Variants in C1QTNF3 observed in about 807,000 individuals in gnomAD.
C1QTNF3 encodes complement C1q tumor necrosis factor-related protein 3.
A neutral mutation model predicts 32.6 loss-of-function variants in C1QTNF3; 26 were observed. The observed-to-expected ratio is 0.80, with a 90% CI of 0.58 to 1.11. The LOEUF (loss-of-function observed/expected upper bound fraction) is 1.11, where lower values mean the gene tolerates loss of function less well. C1QTNF3 is among the 50% of genes least tolerant of loss of function. The probability of loss-of-function intolerance (pLI) is 0.00; values close to 1 mark genes in which losing one functional copy is unlikely to be tolerated. For synonymous variants in C1QTNF3, 155 were observed against 146.0 expected (o/e 1.06, Z -0.44); for missense variants, 362 against 398.2 (o/e 0.91, Z 0.77).
chr5:34,119,133 T>C, the C1QTNF3 span, among the ~76,000 whole-genome samples: 6 of 152,344 alleles, frequency 3.9e-5, no homozygotes, highest in East Asian at 1.2e-3. Flanking sequence ...ATCTTCTACA[T>C]TAAATGCCAT....
the C1QTNF3 span, among the ~76,000 whole-genome samples, chr5:34,214,976 A>G: frequency 6.6e-6 from 1 of 152,342 alleles, no homozygotes; most frequent in African/African-American, 2.4e-5. Context: ...AATTGTTATC[A>G]AAGCCATATA....
chr5:34,171,134 A>T, the C1QTNF3 span, among the ~76,000 whole-genome samples: 3 of 152,056 alleles, frequency 2.0e-5, no homozygotes, highest in Non-Finnish European at 2.9e-5. Flanking sequence ...CTGTATCCAA[A>T]AGCTACCTAT....
At chr5:34,123,329 T>C in the C1QTNF3 span, among the ~76,000 whole-genome samples, 2 of 152,204 alleles carry the variant, frequency 1.3e-5, no homozygotes, top group Admixed American at 1.3e-4. Context: ...GGCCTGTGTG[T>C]ATATGAATGC....
chr5:34,145,021 C>A, the C1QTNF3 span, among the ~76,000 whole-genome samples: 1 of 151,902 alleles, frequency 6.6e-6, no homozygotes, highest in South Asian at 2.1e-4. Flanking sequence ...CCAAGCTACT[C>A]GGGAGGCTGA....
chr5:34,020,784 G>T (rs370162015), intron 5 of C1QTNF3, 42 bp from the exon 6 acceptor site: 1 of 1,588,432 alleles, frequency 6.3e-7, no homozygotes, highest in African/African-American at 1.3e-5. Context: ...TTTTTGCCAT[G>T]AACAACCAGC....
At chr5:34,029,968 G>A (rs1488303899) in intron 3 of C1QTNF3, among the ~76,000 whole-genome samples, 1 of 152,072 alleles carries the variant, frequency 6.6e-6, no homozygotes, top group African/African-American at 2.4e-5. Context: ...CTCTTGGCAT[G>A]TTTTATTATT....
the C1QTNF3 span, among the ~76,000 whole-genome samples, chr5:34,229,538 G>A: frequency 6.6e-6 from 1 of 152,254 alleles, no homozygotes; most frequent in Admixed American, 6.5e-5. Flanking sequence ...TTACCTGGCA[G>A]GACAGAGTTT....
the C1QTNF3 span, among the ~76,000 whole-genome samples, chr5:34,120,731 C>T: frequency 2.6e-5 from 4 of 152,330 alleles, no homozygotes; most frequent in South Asian, 8.3e-4. Flanking sequence ...ACATGCCTTT[C>T]ACCTTCCACC....
chr5:34,100,971 G>A, the C1QTNF3 span, among the ~76,000 whole-genome samples: 3 of 151,514 alleles, frequency 2.0e-5, no homozygotes, highest in Non-Finnish European at 4.4e-5. Flanking sequence ...CTGCATATTT[G>A]TTTCCCAAAG....
chr5:34,241,998 A>AAGGAAGGG, the C1QTNF3 span, among the ~76,000 whole-genome samples: 5 of 150,016 alleles, frequency 3.3e-5, no homozygotes, highest in African/African-American at 1.0e-4. Context: ...GGAAGGAAGG[A>AAGGAAGGG]AGGAAGGAAA....
At chr5:34,056,454 G>GTGTGTGTGTATATATATATA in the C1QTNF3 span, among the ~76,000 whole-genome samples, 2 of 48,970 alleles carry the variant, frequency 4.1e-5, no homozygotes, top group East Asian at 9.8e-4. Context: ...GTGTGTGTGT[G>GTGTGTGTGTATATATATATA]TATATATATA....
At chr5:34,115,813 G>C in the C1QTNF3 span, among the ~76,000 whole-genome samples, 16 of 147,076 alleles carry the variant, frequency 1.1e-4, no homozygotes, top group Admixed American at 5.5e-4. Context: ...TAAACCTTTT[G>C]TTAGATATAT....
the C1QTNF3 span, among the ~76,000 whole-genome samples, chr5:34,072,363 AAAAG>A: frequency 0.021 from 2,868 of 135,290 alleles, 36 homozygotes; most frequent in Non-Finnish European, 0.027. Context: ...AGAAAATTAA[AAAAG>A]AAAGAGAAAG....
chr5:34,125,209 A>T, the C1QTNF3 span, among the ~76,000 whole-genome samples: 1 of 152,166 alleles, frequency 6.6e-6, no homozygotes, highest in East Asian at 1.9e-4. Context: ...TTGTATACGT[A>T]ACCTCCACAG....
the C1QTNF3 span, among the ~76,000 whole-genome samples, chr5:34,139,359 A>C: frequency 6.6e-6 from 1 of 152,096 alleles, no homozygotes; most frequent in Non-Finnish European, 1.5e-5. Flanking sequence ...CAACTTCTTT[A>C]AGTACATTAA....
At chr5:34,163,703 T>C in the C1QTNF3 span, among the ~76,000 whole-genome samples, 1 of 152,062 alleles carries the variant, frequency 6.6e-6, no homozygotes, top group African/African-American at 2.4e-5. Flanking sequence ...AGGTCCCTAT[T>C]ATATTTTCAA....
chr5:34,138,867 C>T, the C1QTNF3 span, among the ~76,000 whole-genome samples: 8 of 152,030 alleles, frequency 5.3e-5, no homozygotes, highest in African/African-American at 1.2e-4. Flanking sequence ...TCACAACACA[C>T]GCATCATACC....
At chr5:34,068,839 C>T in the C1QTNF3 span, among the ~76,000 whole-genome samples, 4 of 152,034 alleles carry the variant, frequency 2.6e-5, no homozygotes, top group African/African-American at 9.7e-5. Flanking sequence ...ATAGGTATGT[C>T]CTAGTTTATC....
At chr5:34,069,431 C>T in the C1QTNF3 span, among the ~76,000 whole-genome samples, 1 of 152,094 alleles carries the variant, frequency 6.6e-6, no homozygotes, top group African/African-American at 2.4e-5. Context: ...TTGTGCTATA[C>T]TATCCCCTCT....
Sources: gnomAD v4.1 joint callset for allele counts (sites outside exome capture counted in the v4.1 genomes callset) on GRCh38, gnomAD v4.1.1 for gene constraint, MANE v1.5 for transcripts, NCBI Gene and HGNC (gene_info 2026-07-23, HGNC 2026-07-21) for gene names.